The following PRPH variants were observed in gnomAD, a reference collection of about 807,000 sequenced individuals.
PRPH encodes neurofilament 4 (57kD).
PRPH carries 48 observed loss-of-function variants against 52.6 expected under a neutral mutation model. The observed-to-expected ratio is 0.91, with a 90% CI of 0.72 to 1.16. The LOEUF (loss-of-function observed/expected upper bound fraction) is 1.16, where lower values mean the gene tolerates loss of function less well. Among genes scored for constraint, PRPH ranks in the 50% most tolerant of loss-of-function variants. PRPH has a pLI of 0.00. For missense variants in PRPH, 579 were observed against 635.7 expected (o/e 0.91, Z 0.96); for synonymous variants, 279 against 283.8 (o/e 0.98, Z 0.17).
At position 49,297,674 on chromosome 12, in the gene PRPH, T is replaced by C. The variant is rs1197765356; in HGVS notation, c.1218-3T>C. The C allele has an allele frequency of 1.2e-6, 2 of 1,613,636 alleles. No homozygotes were observed. The highest frequency in any genetic ancestry group is 1.1e-5 in the South Asian group (1 of 91,084). On this transcript the variant is annotated splice_polypyrimidine_tract_variant and splice_region_variant and intron_variant, in intron 6 of 8. Transcript: ENST00000257860. The surrounding 1 kb of genome is among the most constrained non-coding windows in gnomAD (Gnocchi z 4.4). ...GGGCGCTGACAACTTGCTTCGCCTC[T>C]AGGATCTCCGTGCCCGTCCATTCTT... is the stretch of plus-strand genomic sequence containing the variant.
chr12:49,298,043 GCAGGT>G lies in PRPH; in HGVS notation c.1347+8_1347+12del. The G allele has an allele frequency of 1.2e-6, 2 of 1,613,434 alleles. No homozygotes were observed. Among genetic ancestry groups the G allele is most frequent in the Non-Finnish European group, 1.7e-6 (2 of 1,179,380 alleles). ...TTGAGACCCGGAATGGGGAGGTGAG[GCAGGT>G]CCCCTAATGCCAGGACCCCACCATT... is the stretch of plus-strand genomic sequence containing the variant. On this transcript the variant is annotated splice_region_variant and intron_variant, in intron 8 of 8. Transcript: ENST00000257860.
Position 49,296,445 on chromosome 12 carries a change from C to T in PRPH, c.620C>T (p.Ala207Val), listed in dbSNP as rs1356640295. 1 of 1,614,138 alleles carries T rather than the reference C, an allele frequency of 6.2e-7. No homozygotes were observed. The highest frequency in any genetic ancestry group is 1.1e-5 in the South Asian group (1 of 91,080). Residue 207 changes from alanine (A) to valine (V), a missense_variant, in exon 3 of 9, where the codon GCC (alanine) becomes GTC (valine). By Grantham distance (64) the Ala-to-Val change is moderately conservative. Coordinates refer to ENST00000257860, the MANE Select transcript of PRPH (RefSeq NM_006262.4). The surrounding 1 kb of genome is among the most constrained non-coding windows in gnomAD (Gnocchi z 5.1). Reference protein sequence around the residue: ...LVLFRKDVDDATLSRLELERK... With the variant: ...LVLFRKDVDDVTLSRLELERK... Reference sequence around the variant, plus strand: ...CACCCCTCGAAGGACGTGGACGATGCCACTCTGTCCCGCCTGGAACTAGAG... The same window carrying T: ...CACCCCTCGAAGGACGTGGACGATGTCACTCTGTCCCGCCTGGAACTAGAG...
Position 49,296,878 on chromosome 12 carries a change from C to A in PRPH, c.703-11C>A, listed in dbSNP as rs756401866. 5.0e-6 allele frequency: 8 copies of A among 1,605,674 alleles called. No individual in the cohort carries two copies. ...CGCCGCTGTCCATCCTCTGCCTGCTCCCGGCCGTAGGAGCTGCGAGACCTG... is the reference window on the plus strand; with the variant it reads ...CGCCGCTGTCCATCCTCTGCCTGCTACCGGCCGTAGGAGCTGCGAGACCTG... On this transcript the variant is annotated splice_polypyrimidine_tract_variant and intron_variant, in intron 3 of 8. Coordinates refer to ENST00000257860, the MANE Select transcript of PRPH (RefSeq NM_006262.4). This position sits in a 1 kb window ranked among gnomAD's most constrained non-coding sequence, Gnocchi z 5.1.
chr12:49,295,157 C>T lies in PRPH; in HGVS notation c.-44C>T, dbSNP rs1413090470. 6.3e-7 allele frequency: 1 copy of T among 1,593,382 alleles called. No homozygotes were observed. The highest frequency in any genetic ancestry group is 8.5e-7 in the Non-Finnish European group (1 of 1,172,216). ...AGCGGTCTGCGGCTCCTTCCCAGCC[C>T]CCGGCCTAGCTCTGCGAACGGTGAC... On this transcript the variant is annotated 5_prime_UTR_variant, in exon 1 of 9. Coordinates refer to ENST00000257860, the MANE Select transcript of PRPH (RefSeq NM_006262.4).
chr12:49,297,246 G>C lies in PRPH; in HGVS notation c.969G>C (p.Thr323=), dbSNP rs768503332. Residue 323 remains threonine, a synonymous_variant, in exon 5 of 9, where the codon ACG becomes ACC. Transcript: ENST00000257860. The surrounding 1 kb of genome is among the most constrained non-coding windows in gnomAD (Gnocchi z 4.4). ...NESRRQIQSL[T]CEVDGLRGTN... ...CCCGACGCCAGATCCAGAGTCTAAC[G>C]TGCGAGGTGGACGGGCTGCGCGGCA... The C allele has an allele frequency of 3.9e-5, 63 of 1,614,044 alleles. No homozygotes were observed. The highest frequency in any genetic ancestry group is 1.7e-4 in the Middle Eastern group (1 of 6,060).
At chr12:49,295,769 T>G in intron 1 of PRPH, 24 bp downstream of exon 1, 1 of 1,458,342 alleles carries the variant, frequency 6.9e-7, no homozygotes, top group Non-Finnish European at 9.0e-7. Context: ...GCTGGGCCGC[T>G]GCCGTCGAGG....
Position 49,295,656 on chromosome 12 carries a change from G to T in PRPH, c.456G>T (p.Arg152=). ...GCCAGCAGGAGCTGCGCGAGCTGCG[G>T]CGAGAGCTGGAGCTGTTGGGCCGCG... ...QLCQQELREL[R]RELELLGRER... is the part of the protein sequence containing the mutation. Residue 152 remains arginine, a synonymous_variant, in exon 1 of 9, where the codon CGG becomes CGT. Coordinates refer to ENST00000257860, the MANE Select transcript of PRPH (RefSeq NM_006262.4). 2 of 1,538,590 alleles carry T rather than the reference G, an allele frequency of 1.3e-6. No homozygotes were observed. The highest frequency in any genetic ancestry group is 1.7e-6 in the Non-Finnish European group (2 of 1,144,568).
intron 1 of PRPH, 50 bp downstream of exon 1, chr12:49,295,795 C>G: frequency 7.0e-7 from 1 of 1,437,194 alleles, no homozygotes; most frequent in Non-Finnish European, 9.1e-7. Flanking sequence ...TCGAAGCGGC[C>G]GTCGAGGCGG....
Position 49,295,522 on chromosome 12 carries a change from T to C in PRPH, c.322T>C (p.Phe108Leu), listed in dbSNP as rs1328790298. 1.3e-5 allele frequency: 21 copies of C among 1,600,886 alleles called. No homozygotes were observed. Among genetic ancestry groups the C allele is most frequent in the Non-Finnish European group, 1.7e-5 (20 of 1,174,164 alleles). The change falls in exon 1 of 9, where the codon TTC becomes CTC. Residue 108 changes from phenylalanine to leucine, a missense_variant. Phe to Leu is a conservative substitution (Grantham distance 22). Coordinates refer to ENST00000257860, the MANE Select transcript of PRPH (RefSeq NM_006262.4). ...KQELQELNDR[F>L]ANFIEKVRFL... ...GGAGCTGCAGGAGCTCAACGACCGC[T>C]TCGCCAACTTCATCGAGAAGGTACG...
chr12:49,295,413 G>A lies in PRPH; in HGVS notation c.213G>A (p.Leu71=). ...CCCGAGCGGGAGCGGGCGCCCTCCT[G>A]CGCCTGCCCTCGGAGCGCCTCGACT... ...RSPRAGAGAL[L]RLPSERLDFS... is the part of the protein sequence containing the mutation. The change falls in exon 1 of 9, where the codon CTG becomes CTA. Residue 71 remains leucine (L), a synonymous_variant. Coordinates refer to ENST00000257860, the MANE Select transcript of PRPH (RefSeq NM_006262.4). The A allele has an allele frequency of 1.2e-6, 2 of 1,605,298 alleles. No individual in the cohort carries two copies.
rs1184256656 is a variant in PRPH, at chr12:49,297,624, G to C, written c.1217+47G>C. Reference sequence around the variant, plus strand: ...CGGGGCAGGGCGGGGTCGGGACTGGGCCGGGCAGGGCGGGGCCTGGGCAGG... The same window carrying C: ...CGGGGCAGGGCGGGGTCGGGACTGGCCCGGGCAGGGCGGGGCCTGGGCAGG... On this transcript the variant is annotated intron_variant, in intron 6 of 8. Coordinates refer to ENST00000257860, the MANE Select transcript of PRPH (RefSeq NM_006262.4). The surrounding 1 kb of genome is among the most constrained non-coding windows in gnomAD (Gnocchi z 4.4). 1.2e-6 allele frequency: 2 copies of C among 1,606,958 alleles called. No individual in the cohort carries two copies. The highest frequency in any genetic ancestry group is 1.7e-6 in the Non-Finnish European group (2 of 1,176,954).
In PRPH at chr12:49,295,723, G is replaced by C; in HGVS notation, c.523G>C (p.Asp175His). 1 of 1,519,926 alleles carries C rather than the reference G, an allele frequency of 6.6e-7. No homozygotes were observed. The allele number at this position is 1,519,926 out of a possible 1,614,324, so 94.2% of individuals were successfully genotyped here. The change falls in exon 1 of 9, where the codon GAC becomes CAC. Residue 175 changes from aspartate to histidine, a missense_variant. Transcript: ENST00000257860. ...VQVERDGLAE[D>H]LAALKQRLEE... ...GGTGGAGCGCGACGGGCTGGCGGAG[G>C]ACCTGGCGGCGCTCAAGCAGAGGTC...
Position 49,298,272 on chromosome 12 carries a change from G to A in PRPH, c.1348-16G>A, listed in dbSNP as rs1290237353. On this transcript the variant is annotated splice_polypyrimidine_tract_variant and intron_variant, in intron 8 of 8. Coordinates refer to ENST00000257860, the MANE Select transcript of PRPH (RefSeq NM_006262.4). ...GCTGAATGGCTTGTGCCCATCATAT[G>A]CCCTGTCCCCAGCAGGTGGTGACAG... 4 of 1,613,828 alleles carry A rather than the reference G, an allele frequency of 2.5e-6. No homozygotes were observed. The Admixed American group carries it at 5.0e-5, about 20-fold the overall frequency.
chr12:49,296,527 G>A lies in PRPH; in HGVS notation c.702G>A (p.Glu234=), dbSNP rs1340034876. ...AGTTCCTCAAGAAGCTGCACGAGGA[G>A]GTAAGTGGGCCCGGTATCAGGGGCG... ...EIEFLKKLHE[E]ELRDLQVSVE... is the part of the protein sequence containing the mutation. Residue 234 remains glutamate, a splice_region_variant and synonymous_variant, in exon 3 of 9, where the codon GAG becomes GAA. Transcript: ENST00000257860. This position sits in a 1 kb window ranked among gnomAD's most constrained non-coding sequence, Gnocchi z 5.1. The A allele has an allele frequency of 6.2e-7, 1 of 1,614,004 alleles. No homozygotes were observed. The highest frequency in any genetic ancestry group is 8.5e-7 in the Non-Finnish European group (1 of 1,179,938).
chr12:49,295,225 CG>C lies in PRPH; in HGVS notation c.28del (p.Ala10ProfsTer120), dbSNP rs1253253772. 2.5e-6 allele frequency: 4 copies of C among 1,611,444 alleles called. No individual in the cohort carries two copies. In the African/African-American group the frequency reaches 5.3e-5, roughly 22 times the overall value. MSHHPSGL[R>X]AGFSSTSYRR... ...AATGAGCCACCACCCGTCGGGCCTC[CG>C]GGCCGGCTTCAGCTCCACCTCATAC... On this transcript the variant is annotated frameshift_variant, in exon 1 of 9. Coordinates refer to ENST00000257860, the MANE Select transcript of PRPH (RefSeq NM_006262.4). LOFTEE classifies it high-confidence loss of function.
rs1943218844 is a variant in PRPH, at chr12:49,298,402, A to G, written c.*49A>G. On this transcript the variant is annotated 3_prime_UTR_variant, in exon 9 of 9. Transcript: ENST00000257860. ...TCTGCCCTAGGCCTGCTCAAAGCCCAAACCCTAAGACCACTCCTGAATTGT... is the reference window on the plus strand; with the variant it reads ...TCTGCCCTAGGCCTGCTCAAAGCCCGAACCCTAAGACCACTCCTGAATTGT... The G allele has an allele frequency of 1.9e-6, 3 of 1,589,538 alleles. No homozygotes were observed. The highest frequency in any genetic ancestry group is 1.7e-5 in the Admixed American group (1 of 59,718).
In PRPH at chr12:49,297,989, C is replaced by T; in HGVS notation, c.1299C>T (p.His433=). 3 of 1,614,214 alleles carry T rather than the reference C, an allele frequency of 1.9e-6. No homozygotes were observed. Among genetic ancestry groups the T allele is most frequent in the Non-Finnish European group, 2.5e-6 (3 of 1,180,042 alleles). Residue 433 remains histidine, a synonymous_variant, in exon 8 of 9, where the codon CAC becomes CAT. Coordinates refer to ENST00000257860, the MANE Select transcript of PRPH (RefSeq NM_006262.4). This position sits in a 1 kb window ranked among gnomAD's most constrained non-coding sequence, Gnocchi z 4.4. ...VPEVEPPQDS[H]SRKTVLIKTI... ...AGGTGGAGCCTCCCCAGGACAGCCA[C>T]AGCCGGAAGACGGTTCTGATCAAGA...
chr12:49,295,659 A>G lies in PRPH; in HGVS notation c.459A>G (p.Arg153=), dbSNP rs1349553891. Residue 153 remains arginine, a synonymous_variant, in exon 1 of 9, where the codon CGA becomes CGG. Coordinates refer to ENST00000257860, the MANE Select transcript of PRPH (RefSeq NM_006262.4). ...AGCAGGAGCTGCGCGAGCTGCGGCG[A>G]GAGCTGGAGCTGTTGGGCCGCGAGC... ...LCQQELRELR[R]ELELLGRERD... 1.3e-6 allele frequency: 2 copies of G among 1,538,066 alleles called. No homozygotes were observed. Among genetic ancestry groups the G allele is most frequent in the African/African-American group, 2.8e-5 (2 of 72,724 alleles).
In PRPH at chr12:49,297,136, C is replaced by G. The variant is rs769460108; in HGVS notation, c.871-12C>G. On this transcript the variant is annotated splice_polypyrimidine_tract_variant and intron_variant, in intron 4 of 8. Transcript: ENST00000257860. The surrounding 1 kb of genome is among the most constrained non-coding windows in gnomAD (Gnocchi z 4.4). ...CCAGCCGACTAAAGCCTGGGTTACC[C>G]CCACTTCTCAGTACGCGGACCTGTC... is the stretch of plus-strand genomic sequence containing the variant. 3 of 1,614,018 alleles carry G rather than the reference C, an allele frequency of 1.9e-6. No homozygotes were observed. The highest frequency in any genetic ancestry group is 2.2e-5 in the South Asian group (2 of 91,068).
Sources: allele counts gnomAD v4.1 joint callset, GRCh38; gene constraint gnomAD v4.1.1; non-coding constraint Gnocchi (gnomAD v3.1); transcripts MANE v1.5; gene names NCBI Gene and HGNC (gene_info 2026-07-23, HGNC 2026-07-21).